RCAN2: variants seen among roughly 807,000 people sequenced by gnomAD.
RCAN2 encodes the protein calcipressin-2.
RCAN2 carries 9 observed loss-of-function variants against 23.6 expected under a neutral mutation model. The ratio of observed to expected loss-of-function variants is 0.38; its 90% CI spans 0.23 to 0.67. The LOEUF is 0.67. RCAN2 is among the 30% of genes least tolerant of loss of function. The probability of loss-of-function intolerance (pLI) is 0.51; values close to 1 mark genes in which losing one functional copy is unlikely to be tolerated. For missense variants in RCAN2, 273 were observed against 302.3 expected (o/e 0.90, Z 0.72); for synonymous variants, 109 against 115.7 (o/e 0.94, Z 0.37).
chr6:46,379,282 ACT>A (rs1034339879), intron 2 of RCAN2, among the ~76,000 whole-genome samples: 21 of 151,972 alleles, frequency 1.4e-4, no homozygotes, highest in African/African-American at 5.1e-4. Context: ...CAGGCAAGTC[ACT>A]CTGTGGACAT....
intron 2 of RCAN2, among the ~76,000 whole-genome samples, chr6:46,453,184 G>T (rs1582214346): frequency 6.6e-6 from 1 of 152,310 alleles, no homozygotes; most frequent in African/African-American, 2.4e-5. Context: ...GTGCTCTGAA[G>T]AGAAATGTAC....
chr6:46,465,165 C>T (rs1386465258), intron 1 of RCAN2, among the ~76,000 whole-genome samples: 1 of 152,114 alleles, frequency 6.6e-6, no homozygotes, highest in Admixed American at 6.6e-5. Flanking sequence ...AGGTTTGCTG[C>T]AAAAGAACAG....
In RCAN2 at chr6:46,221,365, T is replaced by C. The variant is rs1216450439; in HGVS notation, c.*1776A>G. ...TCTGAATAGCGGAGCCTACTATTTC[T>C]TCCACTAGAGGACACCATTTCTCCA... On this transcript the variant is annotated 3_prime_UTR_variant, in exon 5 of 5. Coordinates refer to ENST00000371374, the MANE Select transcript of RCAN2 (RefSeq NM_001251974.2). The C allele has an allele frequency of 6.6e-6, 1 of 152,620 alleles. No individual in the cohort carries two copies. Among genetic ancestry groups the C allele is most frequent in the Non-Finnish European group, 1.5e-5 (1 of 68,036 alleles). The allele number at this position is 152,620 out of a possible 1,614,324, so 9.5% of individuals were successfully genotyped here.
rs377424605 is a variant in RCAN2 at position 46,251,011 on chromosome 6, C to T, written c.226-2115G>A. Reference sequence around the variant, plus strand: ...CTGCCCACACTCTTCTCTTTTATACCAGTCCAAGGACCCCAAAGAATACAA... The same window carrying T: ...CTGCCCACACTCTTCTCTTTTATACTAGTCCAAGGACCCCAAAGAATACAA... On this transcript the variant is annotated intron_variant, in intron 2 of 4. Coordinates refer to ENST00000371374, the MANE Select transcript of RCAN2 (RefSeq NM_001251974.2). 1.2e-3 allele frequency among the ~76,000 whole-genome samples: 180 copies of T among 152,310 alleles called. 3 individuals are homozygous for T. In the South Asian group the frequency reaches 0.035, roughly 30 times the overall value.
intron 2 of RCAN2, among the ~76,000 whole-genome samples, chr6:46,448,934 C>T (rs1320355304): frequency 1.3e-5 from 2 of 151,838 alleles, no homozygotes; most frequent in East Asian, 1.9e-4. Context: ...AAGGAAGCCA[C>T]TCTTACCACT....
chr6:46,244,450 T>C (rs1766441718), intron 4 of RCAN2, among the ~76,000 whole-genome samples: 2 of 152,244 alleles, frequency 1.3e-5, no homozygotes, highest in Non-Finnish European at 2.9e-5. Context: ...GAGCCTGGAC[T>C]CAGCTGGGTC....
At chr6:46,393,916 A>G (rs898851829) in intron 2 of RCAN2, among the ~76,000 whole-genome samples, 2 of 152,194 alleles carry the variant, frequency 1.3e-5, no homozygotes, top group Non-Finnish European at 1.5e-5. Context: ...ATTGATAAGA[A>G]CCTTTGACAT....
chr6:46,297,706 C>T (rs1197589678), intron 2 of RCAN2, among the ~76,000 whole-genome samples: 1 of 152,112 alleles, frequency 6.6e-6, no homozygotes, highest in African/African-American at 2.4e-5. Flanking sequence ...TAACACTCTG[C>T]AATTCTTTGA....
intron 2 of RCAN2, among the ~76,000 whole-genome samples, chr6:46,346,005 A>G (rs960683503): frequency 1.3e-5 from 2 of 152,136 alleles, no homozygotes; most frequent in Non-Finnish European, 2.9e-5. Context: ...GTCTTCAATA[A>G]TTTTTACTTG....
intron 2 of RCAN2, among the ~76,000 whole-genome samples, chr6:46,265,647 C>T (rs796679222): frequency 5.3e-5 from 8 of 152,250 alleles, no homozygotes; most frequent in East Asian, 1.9e-4. Flanking sequence ...ACTGGAGAGA[C>T]GTGACAGTCC....
At chr6:46,330,632 T>C (rs71566571) in intron 2 of RCAN2, among the ~76,000 whole-genome samples, 24 of 152,296 alleles carry the variant, frequency 1.6e-4, no homozygotes, top group Middle Eastern at 6.8e-3. Flanking sequence ...CTCTCCTTGA[T>C]CGCATCCTGG....
chr6:46,463,924 T>A (rs1161262461), intron 1 of RCAN2, among the ~76,000 whole-genome samples: 6 of 152,172 alleles, frequency 3.9e-5, no homozygotes, highest in African/African-American at 1.4e-4. Flanking sequence ...TATAAAACTT[T>A]TGCAATAAGG....
intron 2 of RCAN2, among the ~76,000 whole-genome samples, chr6:46,432,595 C>T (rs915289946): frequency 9.9e-5 from 15 of 152,122 alleles, no homozygotes; most frequent in Middle Eastern, 3.2e-3. Context: ...AGAAGCAATG[C>T]TGTTTCTAAA....
chr6:46,426,868 G>T (rs992229779), intron 2 of RCAN2, among the ~76,000 whole-genome samples: 1 of 152,176 alleles, frequency 6.6e-6, no homozygotes, highest in Non-Finnish European at 1.5e-5. Context: ...GTAGAGATGA[G>T]ATTTGAACTC....
intron 2 of RCAN2, among the ~76,000 whole-genome samples, chr6:46,262,494 G>T (rs1767143546): frequency 1.3e-5 from 2 of 152,078 alleles, no homozygotes; most frequent in African/African-American, 4.8e-5. Context: ...AGTAGCTCAT[G>T]CTTGTAATCC....
intron 2 of RCAN2, among the ~76,000 whole-genome samples, chr6:46,322,122 A>T (rs1349259475): frequency 6.6e-6 from 1 of 152,202 alleles, no homozygotes; most frequent in Admixed American, 6.5e-5. Flanking sequence ...TGAAATGTAA[A>T]TTTCGTTACC....
chr6:46,253,410 T>C (rs1766798824), intron 2 of RCAN2, among the ~76,000 whole-genome samples: 1 of 152,236 alleles, frequency 6.6e-6, no homozygotes, highest in Non-Finnish European at 1.5e-5. Flanking sequence ...CTGTCAGTTG[T>C]TTCTTCAAGT....
In RCAN2 at chr6:46,476,098, T is replaced by C. The variant is rs567770370; in HGVS notation, c.-3+15075A>G. 1.6e-4 allele frequency among the ~76,000 whole-genome samples: 24 copies of C among 152,310 alleles called. No homozygotes were observed. The South Asian group carries it at 5.0e-3, about 32-fold the overall frequency. ...TCATCTTTTGTCACCTAAGCTTTTA[T>C]GCCATCTGACCCTCCACAAGCCTTA... On this transcript the variant is annotated intron_variant, in intron 1 of 4. Transcript: ENST00000371374.
chr6:46,394,924 G>C (rs1766046023), intron 2 of RCAN2, among the ~76,000 whole-genome samples: 1 of 152,160 alleles, frequency 6.6e-6, no homozygotes, highest in Non-Finnish European at 1.5e-5. Flanking sequence ...TGAATGTATT[G>C]ATGGAGCAGA....
Sources: allele counts gnomAD v4.1 joint callset (sites outside exome capture counted in the v4.1 genomes callset), GRCh38; gene constraint gnomAD v4.1.1; transcripts MANE v1.5; gene names NCBI Gene and HGNC (gene_info 2026-07-23, HGNC 2026-07-21).